DDOST: variants seen among roughly 807,000 people sequenced by gnomAD.
DDOST encodes the protein dolichyl-diphosphooligosaccharide--protein glycosyltransferase non-catalytic subunit.
In DDOST, 25 loss-of-function variants were observed where a neutral mutation model predicts 47.6. The observed-to-expected ratio is 0.53, with a 90% CI of 0.38 to 0.73. DDOST has a LOEUF of 0.73. DDOST is among the 30% of genes least tolerant of loss of function. The pLI, the probability that DDOST is intolerant of heterozygous loss-of-function variation, is 0.00. For synonymous variants in DDOST, 275 were observed against 236.0 expected (o/e 1.17, Z -1.51); for missense variants, 526 against 573.9 (o/e 0.92, Z 0.85).
At position 20,652,310 on chromosome 1, in the gene DDOST, A is replaced by C. The variant is rs1269731278; in HGVS notation, c.*69T>G. The C allele has an allele frequency of 2.1e-6, 3 of 1,446,620 alleles. No individual in the cohort carries two copies. Among genetic ancestry groups the C allele is most frequent in the Non-Finnish European group, 2.7e-6 (3 of 1,094,662 alleles). The allele number at this position is 1,446,620 out of a possible 1,614,324, so 89.6% of individuals were successfully genotyped here. On this transcript the variant is annotated 3_prime_UTR_variant, in exon 11 of 11. Coordinates refer to ENST00000602624, the MANE Select transcript of DDOST (RefSeq NM_005216.5). ...CCCACGGCTTTAAACAAAGCAAAAC[A>C]AAACCACCAATCCTAATAACCCCCC...
At chr1:20,658,861 T>C (rs1007484712) in intron 2 of DDOST, among the ~76,000 whole-genome samples, 52 of 150,092 alleles carry the variant, frequency 3.5e-4, no homozygotes, top group African/African-American at 1.2e-3. Context: ...CTTTTCTTTT[T>C]TTTTTTTTTT....
Position 20,655,444 on chromosome 1 carries a change from C to T in DDOST, c.547G>A (p.Val183Ile). The change falls in exon 5 of 11, where the codon GTT (valine) becomes ATT (isoleucine). Residue 183 changes from valine to isoleucine, a missense_variant. By Grantham distance (29) the Val-to-Ile change is conservative (BLOSUM62 3). Coordinates refer to ENST00000602624, the MANE Select transcript of DDOST (RefSeq NM_005216.5). ...TCTCCCTGCTCACTCACTCACCCAA[C>T]ACCTCGAAAGAGGATGGGATTTAGA... Reference protein sequence around the residue: ...SSLNPILFRGVGMVADPDNPL... With the variant: ...SSLNPILFRGIGMVADPDNPL... 3.7e-6 allele frequency: 6 copies of T among 1,612,876 alleles called. No homozygotes were observed. Among genetic ancestry groups the T allele is most frequent in the Non-Finnish European group, 5.1e-6 (6 of 1,179,058 alleles).
In DDOST at chr1:20,651,801, T is replaced by TTTTTTTATTTATTTATTTA. The variant is rs886045853; in HGVS notation, c.*577_*578insTAAATAAATAAATAAAAAA. 6.8e-6 allele frequency: 1 copy of TTTTTTTATTTATTTATTTA among 147,120 alleles called. No individual in the cohort carries two copies. The highest frequency in any genetic ancestry group is 1.5e-5 in the Non-Finnish European group (1 of 67,138). The allele number at this position is 147,120 out of a possible 1,614,324, so 9.1% of individuals were successfully genotyped here. On this transcript the variant is annotated 3_prime_UTR_variant, in exon 11 of 11. Transcript: ENST00000602624. Reference sequence around the variant, plus strand: ...GTTTGAGGGCAACATCTCGCTTTATTTTTATTTATTTATTTATTTATTTAT... The same window carrying TTTTTTTATTTATTTATTTA: ...GTTTGAGGGCAACATCTCGCTTTATTTTTTTTATTTATTTATTTATTTATTTATTTATTTATTTATTTAT...
At position 20,652,715 on chromosome 1, in the gene DDOST, CTG is replaced by C; in HGVS notation, c.1074_1075del (p.Tyr358Ter). On this transcript the variant is annotated stop_gained and frameshift_variant, in exon 10 of 11. Transcript: ENST00000602624. LOFTEE classifies it high-confidence loss of function. ...CACGTCGGGCAACTTGAACTGAACA[CTG>C]TATTTGCCACCTGCGGAAGAACCAA... 1.2e-6 allele frequency: 2 copies of C among 1,614,180 alleles called. No individual in the cohort carries two copies. Among genetic ancestry groups the C allele is most frequent in the African/African-American group, 1.3e-5 (1 of 75,030 alleles).
rs61739382 is a variant in DDOST, at chr1:20,661,362, T to C, written c.-12A>G. ...GTGCTGGGCTCCATCTTCCTCCTCCTGCCGAAGGACCCAGCACGTGCACAC... is the reference window on the plus strand; with the variant it reads ...GTGCTGGGCTCCATCTTCCTCCTCCCGCCGAAGGACCCAGCACGTGCACAC... On this transcript the variant is annotated 5_prime_UTR_variant, in exon 1 of 11. Transcript: ENST00000602624. The C allele has an allele frequency of 5.0e-6, 8 of 1,612,586 alleles. No individual in the cohort carries two copies. The highest frequency in any genetic ancestry group is 2.2e-5 in the South Asian group (2 of 90,988).
At chr1:20,655,825 C>T (rs773333649) in intron 3 of DDOST, 46 bp from the exon 4 acceptor site, 1 of 1,534,818 alleles carries the variant, frequency 6.5e-7, no homozygotes, top group Non-Finnish European at 9.0e-7. Context: ...ACAGGGGGGC[C>T]TTGGGCCAAG....
chr1:20,654,519 C>A, intron 6 of DDOST, 95 bp downstream of exon 6: 1 of 1,375,862 alleles, frequency 7.3e-7, no homozygotes, highest in Middle Eastern at 1.8e-4. Flanking sequence ...TCTGCCCATG[C>A]CCCACCCCAC....
At chr1:20,656,790 T>C (rs1349173448) in intron 2 of DDOST, among the ~76,000 whole-genome samples, 2 of 152,202 alleles carry the variant, frequency 1.3e-5, no homozygotes. Flanking sequence ...GCTCATTAAT[T>C]TCCAACATCT....
rs2053298166 is a variant in DDOST, at chr1:20,652,151, G to A, written c.*228C>T. The A allele has an allele frequency of 4.6e-6, 2 of 435,652 alleles. No individual in the cohort carries two copies. The highest frequency in any genetic ancestry group is 4.1e-5 in the Admixed American group (1 of 24,672). The allele number at this position is 435,652 out of a possible 1,614,324, so 27.0% of individuals were successfully genotyped here. A position where few individuals can be genotyped will look rare whatever the true frequency, so the allele number is the denominator to read the frequency against. Reference sequence around the variant, plus strand: ...CGTCCCTATTTTAGAAATGAGAGGAGTGACTGCACATAGGAAAAATGCCAC... The same window carrying A: ...CGTCCCTATTTTAGAAATGAGAGGAATGACTGCACATAGGAAAAATGCCAC... On this transcript the variant is annotated 3_prime_UTR_variant, in exon 11 of 11. Coordinates refer to ENST00000602624, the MANE Select transcript of DDOST (RefSeq NM_005216.5).
Position 20,654,284 on chromosome 1 carries a change from CGAG to C in DDOST, c.730_732del (p.Leu244del), listed in dbSNP as rs1557571635. 1 of 1,552,190 alleles carries C rather than the reference CGAG, an allele frequency of 6.4e-7. No individual in the cohort carries two copies. The highest frequency in any genetic ancestry group is 2.0e-5 in the Admixed American group (1 of 51,076). ...TTGAAGAAGGAGTCGCTGAAGAAGTCGAGGGAGCCGCTGAAGATGACGCGGGCA... is the reference window on the plus strand; with the variant it reads ...TTGAAGAAGGAGTCGCTGAAGAAGTCGGAGCCGCTGAAGATGACGCGGGCA... On this transcript the variant is annotated inframe_deletion, in exon 7 of 11. Coordinates refer to ENST00000602624, the MANE Select transcript of DDOST (RefSeq NM_005216.5).
intron 2 of DDOST, among the ~76,000 whole-genome samples, chr1:20,659,226 T>C (rs1416428582): frequency 6.6e-6 from 1 of 151,906 alleles, no homozygotes; most frequent in Non-Finnish European, 1.5e-5. Context: ...GCACAGGAGA[T>C]ACGTAACATG....
rs769066839 is a variant in DDOST, at chr1:20,655,657, A to G, written c.456+19T>C. On this transcript the variant is annotated intron_variant, in intron 4 of 10. Transcript: ENST00000602624. ...TTGCCATATGCCCCTGAAACCTGGA[A>G]GGTGACAGGCCTGATTACCTGGCCA... is the stretch of plus-strand genomic sequence containing the variant. 39 of 1,607,920 alleles carry G rather than the reference A, an allele frequency of 2.4e-5. No individual in the cohort carries two copies. The South Asian group carries it at 4.3e-4, about 18-fold the overall frequency.
intron 5 of DDOST, 85 bp downstream of exon 5, chr1:20,655,355 C>T (rs2053359844): frequency 4.1e-6 from 4 of 968,640 alleles, no homozygotes; most frequent in African/African-American, 1.6e-5. Flanking sequence ...TAAAGAATTA[C>T]AATTTTGCCT....
intron 1 of DDOST, 66 bp downstream of exon 1, chr1:20,661,131 T>G (rs1570419540): frequency 6.4e-7 from 1 of 1,551,894 alleles, no homozygotes; most frequent in Non-Finnish European, 8.8e-7. Context: ...AGGAGAGTGG[T>G]CAATGCCCTC....
At chr1:20,653,022 C>T (rs2053314482) in intron 8 of DDOST, 51 bp from the exon 9 acceptor site, 2 of 1,609,192 alleles carry the variant, frequency 1.2e-6, no homozygotes, top group South Asian at 1.1e-5. Context: ...GGAGGCCTTC[C>T]ACCACCTGCA....
chr1:20,656,047 T>G (rs1339491297), intron 3 of DDOST, 54 bp downstream of exon 3: 2 of 1,472,228 alleles, frequency 1.4e-6, no homozygotes, highest in African/African-American at 2.8e-5. Flanking sequence ...TTTGTAATGC[T>G]CTCCAACTCC....
Position 20,661,245 on chromosome 1 carries a change from T to C in DDOST, c.106A>G (p.Asn36Asp). 1 of 1,614,064 alleles carries C rather than the reference T, an allele frequency of 6.2e-7. No individual in the cohort carries two copies. Among genetic ancestry groups the C allele is most frequent in the Non-Finnish European group, 8.5e-7 (1 of 1,180,022 alleles). Residue 36 changes from asparagine to aspartate, a missense_variant, in exon 1 of 11, where the codon AAC becomes GAC. Physicochemically the swap from Asn to Asp is conservative, Grantham distance 23. Transcript: ENST00000602624. Reference protein sequence around the residue: ...SGPRTLVLLDNLNVRETHSLF... With the variant: ...SGPRTLVLLDDLNVRETHSLF... ...GAATGAGTCTCCCGCACGTTGAGGT[T>C]GTCCAGCAGCACTAAGGTGCGGGGT...
rs2053313468 is a variant in DDOST at position 20,652,944 on chromosome 1, A to C, written c.970T>G (p.Ser324Ala). ...TCAAAGGGGACCCATTTGCCATTTGAGAGCTGCTGGATCACGATGCTATAC... is the reference window on the plus strand; with the variant it reads ...TCAAAGGGGACCCATTTGCCATTTGCGAGCTGCTGGATCACGATGCTATAC... The part of the protein sequence containing the change: ...VEYSIVIQQL[S>A]NGKWVPFDGD... Residue 324 changes from serine to alanine, a missense_variant, in exon 9 of 11, where the codon TCA becomes GCA. Ser to Ala is a moderately conservative substitution (Grantham distance 99, BLOSUM62 1). Transcript: ENST00000602624. 2 of 1,614,204 alleles carry C rather than the reference A, an allele frequency of 1.2e-6. No homozygotes were observed. The highest frequency in any genetic ancestry group is 8.5e-7 in the Non-Finnish European group (1 of 1,180,028).
At chr1:20,654,439 C>G in intron 6 of DDOST, 68 bp from the exon 7 acceptor site, 1 of 1,512,672 alleles carries the variant, frequency 6.6e-7, no homozygotes, top group African/African-American at 1.4e-5. Context: ...GCCTCCCGAA[C>G]AAGAGGACAG....
Sources: allele counts gnomAD v4.1 joint callset (sites outside exome capture counted in the v4.1 genomes callset), GRCh38; gene constraint gnomAD v4.1.1; transcripts MANE v1.5; gene names NCBI Gene and HGNC (gene_info 2026-07-23, HGNC 2026-07-21).